PITPNC1: variants seen among roughly 807,000 people sequenced by gnomAD.
The protein encoded by PITPNC1 is phosphatidylinositol transfer protein cytoplasmic 1, also known as cytoplasmic phosphatidylinositol transfer protein 1.
Under a neutral mutation model 44.7 loss-of-function variants are expected in PITPNC1, and 18 were observed. That is an observed-to-expected ratio of 0.40 (90% CI 0.28 to 0.60). PITPNC1 has a LOEUF of 0.60. Among genes scored for constraint, PITPNC1 ranks in the 20% least tolerant of loss-of-function variants. The pLI, the probability that PITPNC1 is intolerant of heterozygous loss-of-function variation, is 0.39. For missense variants in PITPNC1, 290 were observed against 418.4 expected, an observed-to-expected ratio of 0.69 and a Z score of 2.68; for synonymous variants, 141 against 149.6, an observed-to-expected ratio of 0.94 and a Z score of 0.42.
intron 1 of PITPNC1, among the ~76,000 whole-genome samples, chr17:67,404,138 G>T (rs9902423): frequency 0.36 from 55,319 of 152,008 alleles, 10,401 homozygotes; most frequent in South Asian, 0.42. Context: ...TATTTGTACC[G>T]ATATACTAAA....
At chr17:67,433,381 A>T (rs1317575195) in intron 1 of PITPNC1, among the ~76,000 whole-genome samples, 1 of 152,202 alleles carries the variant, frequency 6.6e-6, no homozygotes, top group African/African-American at 2.4e-5. Flanking sequence ...CTGGCTGCGC[A>T]CAAACACGGC....
intron 1 of PITPNC1, among the ~76,000 whole-genome samples, chr17:67,529,078 G>GT (rs2040427238): frequency 1.3e-5 from 2 of 152,060 alleles, no homozygotes; most frequent in Non-Finnish European, 2.9e-5. Context: ...CCCCCACACT[G>GT]ACGCCGTCTC....
At position 67,510,417 on chromosome 17, in the gene PITPNC1, A is replaced by C. The variant is rs192458535; in HGVS notation, c.49-22385A>C. On this transcript the variant is annotated intron_variant, in intron 1 of 8. Transcript: ENST00000581322. ...CCCTTTCCTTCTCTCCAAGACCCCC[A>C]TTCCTAACAGCATTCCTGCCCCTCT... is the stretch of plus-strand genomic sequence containing the variant. Among the ~76,000 whole-genome samples the C allele has an allele frequency of 7.2e-5, 11 of 152,190 alleles. No individual in the cohort carries two copies. In the East Asian group the frequency reaches 2.1e-3, roughly 29 times the overall value.
rs553998445 is a variant in PITPNC1, at chr17:67,646,979, G to T, written c.462+14741G>T. Among the ~76,000 whole-genome samples, 5 of 152,248 alleles carry T rather than the reference G, an allele frequency of 3.3e-5. No individual in the cohort carries two copies. In the East Asian group the frequency reaches 9.7e-4, roughly 29 times the overall value. On this transcript the variant is annotated intron_variant, in intron 6 of 8. Coordinates refer to ENST00000581322, the MANE Select transcript of PITPNC1 (RefSeq NM_012417.4). ...CCTACACCAAGTAAGATTCCTTCAG[G>T]TAAAGCTAGACGTACAAACAACTGT... is the stretch of plus-strand genomic sequence containing the variant.
intron 5 of PITPNC1, among the ~76,000 whole-genome samples, chr17:67,617,179 A>C (rs2041770066): frequency 6.6e-6 from 1 of 152,190 alleles, no homozygotes; most frequent in Non-Finnish European, 1.5e-5. Context: ...GGACGGTCTT[A>C]ATCTGGAGAA....
chr17:67,523,335 C>T (rs1452462751), intron 1 of PITPNC1, among the ~76,000 whole-genome samples: 2 of 152,174 alleles, frequency 1.3e-5, no homozygotes, highest in Non-Finnish European at 2.9e-5. Flanking sequence ...GCAGATGCCT[C>T]ATTCTCTTAT....
intron 1 of PITPNC1, among the ~76,000 whole-genome samples, chr17:67,469,773 C>A (rs993830272): frequency 1.3e-5 from 2 of 151,950 alleles, no homozygotes; most frequent in African/African-American, 4.8e-5. Flanking sequence ...TAAGACAGAA[C>A]AAAAGCCACC....
intron 1 of PITPNC1, among the ~76,000 whole-genome samples, chr17:67,492,912 G>T (rs1296266523): frequency 6.6e-6 from 1 of 152,120 alleles, no homozygotes; most frequent in Non-Finnish European, 1.5e-5. Flanking sequence ...CCTGTTGGGG[G>T]CATTTGAGTT....
At chr17:67,540,836 T>C (rs1004806688) in intron 2 of PITPNC1, among the ~76,000 whole-genome samples, 1 of 152,228 alleles carries the variant, frequency 6.6e-6, no homozygotes, top group African/African-American at 2.4e-5. Flanking sequence ...TATTGGATTT[T>C]TTAAGCCAAC....
At chr17:67,520,297 C>T (rs577191782) in intron 1 of PITPNC1, among the ~76,000 whole-genome samples, 4 of 152,100 alleles carry the variant, frequency 2.6e-5, no homozygotes, top group Non-Finnish European at 4.4e-5. Flanking sequence ...AGGTCACAAG[C>T]GGATGGCGCA....
In PITPNC1 at chr17:67,630,764, T is replaced by C. The variant is rs141260069; in HGVS notation, c.367-1379T>C. The stretch of plus-strand genomic sequence containing the variant: ...TCTCACTCTGTCACTCAGGCTGGAG[T>C]GCAGTGGCGCAATCTCGGCTCACTG... On this transcript the variant is annotated intron_variant, in intron 5 of 8. Coordinates refer to ENST00000581322, the MANE Select transcript of PITPNC1 (RefSeq NM_012417.4). Among the ~76,000 whole-genome samples the C allele has an allele frequency of 5.9e-3, 887 of 150,952 alleles. 12 individuals carry two copies. Among genetic ancestry groups the C allele is most frequent in the African/African-American group, 0.02 (833 of 41,102 alleles).
intron 1 of PITPNC1, among the ~76,000 whole-genome samples, chr17:67,443,915 G>A (rs1421161857): frequency 1.3e-5 from 2 of 152,050 alleles, no homozygotes; most frequent in African/African-American, 4.8e-5. Context: ...GATTACAGGC[G>A]TGAGTCACTG....
In PITPNC1 at chr17:67,505,766, C is replaced by T. The variant is rs145291323; in HGVS notation, c.49-27036C>T. 4.5e-3 allele frequency among the ~76,000 whole-genome samples: 689 copies of T among 152,188 alleles called. 9 individuals are homozygous for T. Among genetic ancestry groups the T allele is most frequent in the African/African-American group, 0.015 (639 of 41,522 alleles). ...TTGGGATTACAGACGTGAGCCACCGCGCCCAGCCCAAGTTGTTTTTGAGAA... is the reference window on the plus strand; with the variant it reads ...TTGGGATTACAGACGTGAGCCACCGTGCCCAGCCCAAGTTGTTTTTGAGAA... On this transcript the variant is annotated intron_variant, in intron 1 of 8. Coordinates refer to ENST00000581322, the MANE Select transcript of PITPNC1 (RefSeq NM_012417.4).
intron 1 of PITPNC1, among the ~76,000 whole-genome samples, chr17:67,466,479 G>C (rs549010363): frequency 2.0e-5 from 3 of 152,142 alleles, no homozygotes; most frequent in Non-Finnish European, 4.4e-5. Context: ...CCAGTGCCTA[G>C]TAAAGGATTC....
At chr17:67,455,524 G>A (rs180951505) in intron 1 of PITPNC1, among the ~76,000 whole-genome samples, 3 of 152,198 alleles carry the variant, frequency 2.0e-5, no homozygotes, top group East Asian at 1.9e-4. Context: ...GGGTTCAAGC[G>A]ATTCTCCTGC....
Position 67,597,676 on chromosome 17 carries a change from C to G in PITPNC1, c.366+19419C>G, listed in dbSNP as rs909052749. Among the ~76,000 whole-genome samples the G allele has an allele frequency of 9.2e-5, 14 of 152,152 alleles. No homozygotes were observed. The highest frequency in any genetic ancestry group is 3.4e-4 in the African/African-American group (14 of 41,442). Reference sequence around the variant, plus strand: ...AAAAGATAGGATGCTTTTAATGGTGCCTTAATTCATCGTACAAGAAACATT... The same window carrying G: ...AAAAGATAGGATGCTTTTAATGGTGGCTTAATTCATCGTACAAGAAACATT... On this transcript the variant is annotated intron_variant, in intron 5 of 8. Coordinates refer to ENST00000581322, the MANE Select transcript of PITPNC1 (RefSeq NM_012417.4). The surrounding 1 kb of genome is among the most constrained non-coding windows in gnomAD (Gnocchi z 4.0).
chr17:67,659,486 C>T (rs527517038), intron 6 of PITPNC1, among the ~76,000 whole-genome samples: 55 of 152,268 alleles, frequency 3.6e-4, no homozygotes, highest in Admixed American at 1.3e-4. Context: ...AGTCTTCTTA[C>T]ATTGTGGAGG....
At chr17:67,465,908 G>C (rs887545359) in intron 1 of PITPNC1, among the ~76,000 whole-genome samples, 1 of 151,850 alleles carries the variant, frequency 6.6e-6, no homozygotes, top group African/African-American at 2.4e-5. Flanking sequence ...GTAGGGCGGG[G>C]GTAAATCTAA....
chr17:67,532,672 C>A, intron 1 of PITPNC1, 130 bp from the exon 2 acceptor site: 2 of 624,428 alleles, frequency 3.2e-6, no homozygotes, highest in Non-Finnish European at 5.5e-6. Context: ...TAACATGAGG[C>A]CCATGTGGCT....
Sources: gnomAD v4.1 joint callset for allele counts (sites outside exome capture counted in the v4.1 genomes callset) on GRCh38, gnomAD v4.1.1 for gene constraint, Gnocchi (gnomAD v3.1) non-coding constraint, MANE v1.5 for transcripts, NCBI Gene and HGNC (gene_info 2026-07-23, HGNC 2026-07-21) for gene names.